The following ITPRID2 variants were observed in gnomAD, a reference collection of about 807,000 sequenced individuals.
ITPRID2 encodes the protein ITPR interacting domain containing 2.
In ITPRID2, 60 loss-of-function variants were observed where a neutral mutation model predicts 124.3. That is an observed-to-expected ratio of 0.48 (90% CI 0.39 to 0.60). The LOEUF (loss-of-function observed/expected upper bound fraction) is 0.60. Among genes scored for constraint, ITPRID2 ranks in the 20% least tolerant of loss-of-function variants. The pLI is 0.00. For missense variants in ITPRID2, 1,553 were observed against 1,512.2 expected, an observed-to-expected ratio of 1.03 and a Z score of -0.45; for synonymous variants, 521 against 542.9, an observed-to-expected ratio of 0.96 and a Z score of 0.56.
intron 6 of ITPRID2, among the ~76,000 whole-genome samples, chr2:181,900,472 T>C (rs1293781449): frequency 6.6e-6 from 1 of 152,182 alleles, no homozygotes; most frequent in Non-Finnish European, 1.5e-5. Context: ...TTAGCTCTTT[T>C]CTGCAACTCT....
chr2:181,910,099 G>A lies in ITPRID2; in HGVS notation c.1486+128G>A. ...AAAGGCAAAGAACACACACAGGTAG[G>A]CATGATTCACTATTGTTTGTAGAAC... On this transcript the variant is annotated intron_variant, in intron 9 of 17. Coordinates refer to ENST00000431877, the MANE Select transcript of ITPRID2 (RefSeq NM_001130445.3). This position sits in a 1 kb window ranked among gnomAD's most constrained non-coding sequence, Gnocchi z 4.1. 1 of 609,080 alleles carries A rather than the reference G, an allele frequency of 1.6e-6. No homozygotes were observed. Among genetic ancestry groups the A allele is most frequent in the Non-Finnish European group, 2.8e-6 (1 of 360,878 alleles). 37.7% of individuals were successfully genotyped at this position (609,080 alleles called of 1,614,324 possible).
intron 5 of ITPRID2, 32 bp from the exon 6 acceptor site, chr2:181,898,982 T>C (rs762174037): frequency 5.0e-6 from 8 of 1,597,762 alleles, no homozygotes; most frequent in Non-Finnish European, 6.8e-6. Flanking sequence ...AATAAAGTTA[T>C]AAAGTTTTAT....
Position 181,905,170 on chromosome 2 carries a change from T to G in ITPRID2, c.1413+2704T>G, listed in dbSNP as rs1177727968. Among the ~76,000 whole-genome samples the G allele has an allele frequency of 6.6e-6, 1 of 151,458 alleles. No homozygotes were observed. The highest frequency in any genetic ancestry group is 1.5e-5 in the Non-Finnish European group (1 of 67,850). On this transcript the variant is annotated intron_variant, in intron 8 of 17. Coordinates refer to ENST00000431877, the MANE Select transcript of ITPRID2 (RefSeq NM_001130445.3). The surrounding 1 kb of genome is among the most constrained non-coding windows in gnomAD (Gnocchi z 4.1). ...GTTCATGTAATTCTCCTGCCTCAGCTTCCTGAGTAGCTGGGATTACAGGCA... is the reference window on the plus strand; with the variant it reads ...GTTCATGTAATTCTCCTGCCTCAGCGTCCTGAGTAGCTGGGATTACAGGCA...
intron 14 of ITPRID2, 24 bp from the exon 15 acceptor site, chr2:181,920,573 T>A: frequency 6.4e-7 from 1 of 1,569,742 alleles, no homozygotes; most frequent in South Asian, 1.1e-5. Context: ...CATATACATA[T>A]ATATATTGTT....
At chr2:181,899,895 A>G (rs778658614) in intron 6 of ITPRID2, among the ~76,000 whole-genome samples, 1 of 152,238 alleles carries the variant, frequency 6.6e-6, no homozygotes, top group Non-Finnish European at 1.5e-5. Context: ...ATATTAAAAT[A>G]CATCAGTGCA....
At chr2:181,911,445 T>C (rs983265545) in intron 9 of ITPRID2, among the ~76,000 whole-genome samples, 3 of 152,356 alleles carry the variant, frequency 2.0e-5, no homozygotes, top group East Asian at 1.9e-4. Context: ...TCGGTAGTTA[T>C]GTTGAGAAAA....
chr2:181,920,688 TG>T, intron 15 of ITPRID2, 26 bp downstream of exon 15: 2 of 1,559,424 alleles, frequency 1.3e-6, no homozygotes. Context: ...CTTAAATCAC[TG>T]GGGAAGGGAA....
chr2:181,892,307 A>G lies in ITPRID2; in HGVS notation c.211+30A>G, dbSNP rs1393444751. 19 of 1,526,294 alleles carry G rather than the reference A, an allele frequency of 1.2e-5. No individual in the cohort carries two copies. The highest frequency in any genetic ancestry group is 2.1e-4 in the Middle Eastern group (1 of 4,660). 94.5% of individuals were successfully genotyped at this position (1,526,294 alleles called of 1,614,324 possible). A position where few individuals can be genotyped will look rare whatever the true frequency, so the allele number is the denominator to read the frequency against. On this transcript the variant is annotated intron_variant, in intron 1 of 17. Coordinates refer to ENST00000431877, the MANE Select transcript of ITPRID2 (RefSeq NM_001130445.3). The surrounding 1 kb of genome is among the most constrained non-coding windows in gnomAD (Gnocchi z 5.2). ...GTGCTCCCGGCCGGGCTCCGGGGGG[A>G]GGCTGGTGGGCTGGGGAGAGTCTCG...
At chr2:181,893,078 A>C in intron 2 of ITPRID2, 1 of 196,234 alleles carries the variant, frequency 5.1e-6, no homozygotes, top group Non-Finnish European at 1.1e-5. Context: ...AATTTACCTA[A>C]CTACACTAAA....
In ITPRID2 at chr2:181,896,225, T is replaced by A. The variant is rs7580545; in HGVS notation, c.307+146T>A. ...TGAGCTAGAAGCAAAATGGAGAAACTTTGTTATAAACCGTAAAACAGTAGG... is the reference window on the plus strand; with the variant it reads ...TGAGCTAGAAGCAAAATGGAGAAACATTGTTATAAACCGTAAAACAGTAGG... On this transcript the variant is annotated intron_variant, in intron 3 of 17. Coordinates refer to ENST00000431877, the MANE Select transcript of ITPRID2 (RefSeq NM_001130445.3). The surrounding 1 kb of genome is among the most constrained non-coding windows in gnomAD (Gnocchi z 4.3). 2.8e-6 allele frequency: 2 copies of A among 704,988 alleles called. No homozygotes were observed. The highest frequency in any genetic ancestry group is 3.6e-5 in the African/African-American group (2 of 55,698). The allele number at this position is 704,988 out of a possible 1,614,324, so 43.7% of individuals were successfully genotyped here. A position where few individuals can be genotyped will look rare whatever the true frequency, so the allele number is the denominator to read the frequency against.
chr2:181,895,547 A>G (rs933238892), intron 2 of ITPRID2, among the ~76,000 whole-genome samples: 1 of 152,046 alleles, frequency 6.6e-6, no homozygotes, highest in African/African-American at 2.4e-5. Flanking sequence ...TGCTAGTGAT[A>G]GATTAACAGA....
At chr2:181,906,726 G>A (rs1030386596) in intron 8 of ITPRID2, among the ~76,000 whole-genome samples, 9 of 151,592 alleles carry the variant, frequency 5.9e-5, no homozygotes, top group African/African-American at 1.5e-4. Context: ...GCAACAGAAC[G>A]AGACCTTGTT....
At chr2:181,913,223 A>G (rs1293922283) in intron 9 of ITPRID2, among the ~76,000 whole-genome samples, 3 of 152,036 alleles carry the variant, frequency 2.0e-5, no homozygotes, top group African/African-American at 7.2e-5. Context: ...ACCCGCTACC[A>G]CGCCTGGCTA....
intron 8 of ITPRID2, among the ~76,000 whole-genome samples, chr2:181,909,045 G>A (rs1277495485): frequency 6.6e-6 from 1 of 152,012 alleles, no homozygotes; most frequent in Non-Finnish European, 1.5e-5. Context: ...AGTGTTTGTG[G>A]GGTGGAGGTG....
chr2:181,912,379 A>T (rs1192217204), intron 9 of ITPRID2, among the ~76,000 whole-genome samples: 1 of 152,224 alleles, frequency 6.6e-6, no homozygotes, highest in African/African-American at 2.4e-5. Context: ...AGCTTATTGC[A>T]GTTCAGTTTC....
chr2:181,930,060 A>C lies in ITPRID2; in HGVS notation c.*513A>C, dbSNP rs1695170556. 6.5e-6 allele frequency: 1 copy of C among 153,502 alleles called. No individual in the cohort carries two copies. Among genetic ancestry groups the C allele is most frequent in the South Asian group, 2.1e-4 (1 of 4,862 alleles). 9.5% of individuals were successfully genotyped at this position (153,502 alleles called of 1,614,324 possible). The stretch of plus-strand genomic sequence containing the variant: ...TGTTGTAAAAAATATAATTGCTCTT[A>C]ATTCTTGGGGAGGTTACTAATAGCA... On this transcript the variant is annotated 3_prime_UTR_variant, in exon 18 of 18. Transcript: ENST00000431877.
At chr2:181,927,204 T>C (rs2125117411) in intron 16 of ITPRID2, among the ~76,000 whole-genome samples, 1 of 152,326 alleles carries the variant, frequency 6.6e-6, no homozygotes, top group South Asian at 2.1e-4. Context: ...GAGATGTACT[T>C]AGGAACATTG....
At position 181,919,236 on chromosome 2, in the gene ITPRID2, T is replaced by TG; in HGVS notation, c.2994-59dup. On this transcript the variant is annotated intron_variant, in intron 13 of 17. Transcript: ENST00000431877. This position sits in a 1 kb window ranked among gnomAD's most constrained non-coding sequence, Gnocchi z 4.2. ...AGCATATAGTAGTTGTTGAAAGATT[T>TG]GTGATTAGGAATCTCCAAACTGCAT... 1 of 1,588,848 alleles carries TG rather than the reference T, an allele frequency of 6.3e-7. No homozygotes were observed.
chr2:181,916,384 G>A lies in ITPRID2; in HGVS notation c.2744G>A (p.Arg915Lys). ...PPSAIEMQLR[R>K]VLHDIRNSLQ... ...TCAGCCATAGAAATGCAGTTGCGAA[G>A]AGTATTACATGATATTAGAAACTCA... The change falls in exon 11 of 18, where the codon AGA (arginine) becomes AAA (lysine). Residue 915 changes from arginine to lysine, a missense_variant. Physicochemically the swap from Arg to Lys is conservative, Grantham distance 26. Coordinates refer to ENST00000431877, the MANE Select transcript of ITPRID2 (RefSeq NM_001130445.3). The A allele has an allele frequency of 2.5e-6, 4 of 1,614,210 alleles. No individual in the cohort carries two copies. Among genetic ancestry groups the A allele is most frequent in the Non-Finnish European group, 3.4e-6 (4 of 1,180,026 alleles).
Sources: gnomAD v4.1 joint callset for allele counts (sites outside exome capture counted in the v4.1 genomes callset) on GRCh38, gnomAD v4.1.1 for gene constraint, Gnocchi (gnomAD v3.1) non-coding constraint, MANE v1.5 for transcripts, NCBI Gene and HGNC (gene_info 2026-07-23, HGNC 2026-07-21) for gene names.